TMEM171: variants seen among roughly 807,000 people sequenced by gnomAD.
TMEM171 encodes transmembrane protein 171.
A neutral mutation model predicts 19.1 loss-of-function variants in TMEM171; 16 were observed. The observed-to-expected ratio is 0.84, with a 90% CI of 0.57 to 1.27. TMEM171 has a LOEUF of 1.27. TMEM171 is among the 50% of genes most tolerant of loss of function. The probability of loss-of-function intolerance (pLI) is 0.00; values close to 1 mark genes in which losing one functional copy is unlikely to be tolerated. For synonymous variants in TMEM171, 153 were observed against 163.4 expected (o/e 0.94, Z 0.48); for missense variants, 429 against 412.7 (o/e 1.04, Z -0.34).
Position 73,123,364 on chromosome 5 carries a change from T to A in TMEM171, c.-10T>A. The stretch of plus-strand genomic sequence containing the variant: ...CCCACCCTGCCTCCGGGAAGGGGCC[T>A]CTCCTGGACATGTCTCCTGCAGCTG... On this transcript the variant is annotated 5_prime_UTR_variant, in exon 2 of 4. Transcript: ENST00000454765. 1 of 1,596,908 alleles carries A rather than the reference T, an allele frequency of 6.3e-7. No homozygotes were observed. The highest frequency in any genetic ancestry group is 8.6e-7 in the Non-Finnish European group (1 of 1,167,686).
chr5:73,122,095 G>A (rs1373449949), intron 1 of TMEM171, among the ~76,000 whole-genome samples: 1 of 152,168 alleles, frequency 6.6e-6, no homozygotes, highest in African/African-American at 2.4e-5. Flanking sequence ...GTGATTTTCT[G>A]GAAGGTGCTT....
chr5:73,128,197 C>T (rs1744231537), intron 2 of TMEM171, among the ~76,000 whole-genome samples, 193 bp from the exon 3 acceptor site: 1 of 152,234 alleles, frequency 6.6e-6, no homozygotes, highest in East Asian at 1.9e-4. Flanking sequence ...TCCCGAACCC[C>T]TCCTAGCCCC....
At chr5:73,126,142 G>A (rs148619953) in intron 2 of TMEM171, among the ~76,000 whole-genome samples, 1 of 152,330 alleles carries the variant, frequency 6.6e-6, no homozygotes, top group Non-Finnish European at 1.5e-5. Context: ...GACCCTTGGA[G>A]GTAACAGGGT....
At chr5:73,122,709 C>T (rs1212432693) in intron 1 of TMEM171, among the ~76,000 whole-genome samples, 1 of 152,208 alleles carries the variant, frequency 6.6e-6, no homozygotes. Context: ...TCAAGAACCA[C>T]ATTTTGATAG....
chr5:73,129,589 C>T (rs908193441), intron 3 of TMEM171, among the ~76,000 whole-genome samples: 1 of 152,106 alleles, frequency 6.6e-6, no homozygotes, highest in African/African-American at 2.4e-5. Flanking sequence ...GCCGAGATCG[C>T]GCCACTGCAC....
chr5:73,128,591 G>C lies in TMEM171; in HGVS notation c.782+60G>C, dbSNP rs1016652745. 4 of 1,575,706 alleles carry C rather than the reference G, an allele frequency of 2.5e-6. No homozygotes were observed. The African/African-American group carries it at 5.4e-5, about 21-fold the overall frequency. The stretch of plus-strand genomic sequence containing the variant: ...GAATTCAGGCCACACTAGTATTAAG[G>C]CTGTGTGGTTCACCAGGAGGCATTC... On this transcript the variant is annotated intron_variant, in intron 3 of 3. Transcript: ENST00000454765.
At chr5:73,126,670 G>A (rs1467533913) in intron 2 of TMEM171, among the ~76,000 whole-genome samples, 1 of 152,176 alleles carries the variant, frequency 6.6e-6, no homozygotes, top group African/African-American at 2.4e-5. Context: ...CAGCTGTGGC[G>A]GCTGAGGTCA....
At chr5:73,122,814 T>G (rs1744040373) in intron 1 of TMEM171, among the ~76,000 whole-genome samples, 1 of 152,246 alleles carries the variant, frequency 6.6e-6, no homozygotes, top group East Asian at 1.9e-4. Flanking sequence ...AGATGTAGCC[T>G]TAGAATAAAA....
chr5:73,127,982 C>T (rs749977723), intron 2 of TMEM171, among the ~76,000 whole-genome samples: 36 of 152,236 alleles, frequency 2.4e-4, no homozygotes, highest in Non-Finnish European at 4.3e-4. Flanking sequence ...TGGGCTCAAG[C>T]GATCCTTCCT....
Position 73,123,604 on chromosome 5 carries a change from C to A in TMEM171, c.231C>A (p.Ala77=). 1 of 1,614,214 alleles carries A rather than the reference C, an allele frequency of 6.2e-7. No homozygotes were observed. Among genetic ancestry groups the A allele is most frequent in the Non-Finnish European group, 8.5e-7 (1 of 1,180,038 alleles). ...AVVGLGAVIL[A]RSRAQLQLRA... The stretch of plus-strand genomic sequence containing the variant: ...TTGGGCTTGGGGCTGTGATCCTGGC[C>A]CGCTCCCGGGCGCAACTTCAGCTCC... The change falls in exon 2 of 4, where the codon GCC becomes GCA. Residue 77 remains alanine (A), a synonymous_variant. Transcript: ENST00000454765.
Position 73,123,363 on chromosome 5 carries a change from C to T in TMEM171, c.-11C>T. 1 of 1,596,488 alleles carries T rather than the reference C, an allele frequency of 6.3e-7. No individual in the cohort carries two copies. The highest frequency in any genetic ancestry group is 8.6e-7 in the Non-Finnish European group (1 of 1,167,444). ...TCCCACCCTGCCTCCGGGAAGGGGC[C>T]TCTCCTGGACATGTCTCCTGCAGCT... On this transcript the variant is annotated 5_prime_UTR_variant, in exon 2 of 4. Coordinates refer to ENST00000454765, the MANE Select transcript of TMEM171 (RefSeq NM_173490.8).
At chr5:73,124,791 A>G (rs1744117822) in intron 2 of TMEM171, among the ~76,000 whole-genome samples, 1 of 152,182 alleles carries the variant, frequency 6.6e-6, no homozygotes, top group African/African-American at 2.4e-5. Context: ...CATTTCCCAG[A>G]GCCTGCCCCC....
At chr5:73,122,353 C>A (rs1370113827) in intron 1 of TMEM171, among the ~76,000 whole-genome samples, 1 of 152,180 alleles carries the variant, frequency 6.6e-6, no homozygotes, top group East Asian at 1.9e-4. Context: ...CATCCCAGAT[C>A]CAAGCAACTG....
In TMEM171 at chr5:73,123,407, G is replaced by C. The variant is rs748848378; in HGVS notation, c.34G>C (p.Asp12His). 12 of 1,613,858 alleles carry C rather than the reference G, an allele frequency of 7.4e-6. No individual in the cohort carries two copies. The highest frequency in any genetic ancestry group is 1.0e-5 in the Non-Finnish European group (12 of 1,179,880). The change falls in exon 2 of 4, where the codon GAC becomes CAC. Residue 12 changes from aspartate to histidine, a missense_variant. By Grantham distance (81) the Asp-to-His change is moderately conservative (BLOSUM62 -1). Coordinates refer to ENST00000454765, the MANE Select transcript of TMEM171 (RefSeq NM_173490.8). ...SPAAAAEPDGDQQDRHVSKLI... is the reference protein window; with the variant it reads ...SPAAAAEPDGHQQDRHVSKLI... ...TGCAGCTGCTGCTGAGCCAGATGGG[G>C]ACCAGCAGGACAGACACGTCAGCAA...
chr5:73,130,717 G>A (rs748965875), intron 3 of TMEM171, among the ~76,000 whole-genome samples: 7 of 152,162 alleles, frequency 4.6e-5, no homozygotes, highest in African/African-American at 7.2e-5. Flanking sequence ...ATATGGGGTC[G>A]TGATGGGGGG....
chr5:73,123,323 A>T lies in TMEM171; in HGVS notation c.-51A>T, dbSNP rs370718480. 4 of 1,547,928 alleles carry T rather than the reference A, an allele frequency of 2.6e-6. No individual in the cohort carries two copies. The highest frequency in any genetic ancestry group is 3.5e-6 in the Non-Finnish European group (4 of 1,145,262). On this transcript the variant is annotated 5_prime_UTR_variant, in exon 2 of 4. Transcript: ENST00000454765. ...GTTTGCAGAGCTGCTGAAATCTTGG[A>T]GGGAAGAAAACACATCCCACCCTGC...
chr5:73,128,097 A>G (rs1744227708), intron 2 of TMEM171, among the ~76,000 whole-genome samples: 1 of 152,004 alleles, frequency 6.6e-6, no homozygotes, highest in East Asian at 1.9e-4. Flanking sequence ...ATGTTGTTCA[A>G]CCATTATCAT....
chr5:73,131,224 A>AGTGTGTGTGT (rs56793908), intron 3 of TMEM171, among the ~76,000 whole-genome samples: 150 of 149,958 alleles, frequency 1.0e-3, no homozygotes, highest in African/African-American at 3.6e-3. Context: ...GAGAACAGTA[A>AGTGTGTGTGT]GTGTGTGTGT....
intron 2 of TMEM171, among the ~76,000 whole-genome samples, chr5:73,127,507 G>A (rs1265056755): frequency 1.3e-5 from 2 of 150,100 alleles, no homozygotes; most frequent in Non-Finnish European, 3.0e-5. Flanking sequence ...CATGATCCTG[G>A]CTCACCACAA....
Sources: allele counts gnomAD v4.1 joint callset (sites outside exome capture counted in the v4.1 genomes callset), GRCh38; gene constraint gnomAD v4.1.1; transcripts MANE v1.5; gene names NCBI Gene and HGNC (gene_info 2026-07-23, HGNC 2026-07-21).